Variants in TEX36 observed in about 807,000 individuals in gnomAD.
The protein encoded by TEX36 is testis expressed 36, also known as testis-expressed protein 36.
Under a neutral mutation model 13.6 loss-of-function variants are expected in TEX36, and 12 were observed. The ratio of observed to expected loss-of-function variants is 0.88; its 90% CI spans 0.56 to 1.43. TEX36 has a LOEUF of 1.43. Ranked by LOEUF, TEX36 falls within the 40% of genes most tolerant of loss-of-function variation. The pLI is 0.00. For synonymous variants in TEX36, 93 were observed against 83.0 expected (o/e 1.12, Z -0.65); for missense variants, 224 against 228.3 (o/e 0.98, Z 0.12).
chr10:125,576,712 C>T lies in TEX36; in HGVS notation c.*37G>A, dbSNP rs757701989. 2.6e-6 allele frequency: 4 copies of T among 1,534,198 alleles called. 1 individual carries two copies. In the South Asian group the frequency reaches 4.8e-5, roughly 18 times the overall value. On this transcript the variant is annotated 3_prime_UTR_variant, in exon 4 of 4. Coordinates refer to the TEX36 transcript ENST00000532135. ...AATACACATTCTATTAGTCAGGACTCTGGGGAATGGGTGACAGAAACTTGC... is the reference window on the plus strand; with the variant it reads ...AATACACATTCTATTAGTCAGGACTTTGGGGAATGGGTGACAGAAACTTGC...
chr10:125,637,186 G>A (rs1165703375), intron 3 of TEX36, among the ~76,000 whole-genome samples: 2 of 151,946 alleles, frequency 1.3e-5, no homozygotes, highest in Non-Finnish European at 2.9e-5. Context: ...GTAGACACCT[G>A]TGGTCTCAAC....
Position 125,676,395 on chromosome 10 carries a change from A to T in TEX36, c.51+6544T>A, listed in dbSNP as rs567335915. 3.3e-5 allele frequency among the ~76,000 whole-genome samples: 5 copies of T among 152,096 alleles called. No individual in the cohort carries two copies. In the South Asian group the frequency reaches 8.3e-4, roughly 25 times the overall value. Reference sequence around the variant, plus strand: ...CTTTGTATTTTTTTTACTGTTCTTGACTTACAGACTGTTTTATCTAAGTAC... The same window carrying T: ...CTTTGTATTTTTTTTACTGTTCTTGTCTTACAGACTGTTTTATCTAAGTAC... On this transcript the variant is annotated intron_variant, in intron 1 of 3. Transcript: ENST00000368821.
intron 1 of TEX36, among the ~76,000 whole-genome samples, chr10:125,674,646 C>A (rs1847285076): frequency 6.6e-6 from 1 of 152,198 alleles, no homozygotes; most frequent in South Asian, 2.1e-4. Context: ...TTGTTGCATT[C>A]TGTTTGTCTT....
intron 3 of TEX36, among the ~76,000 whole-genome samples, chr10:125,578,726 C>G (rs1256236072): frequency 1.3e-5 from 2 of 152,190 alleles, no homozygotes; most frequent in African/African-American, 4.8e-5. Flanking sequence ...ACCACCCCAT[C>G]TCATGCCTAG....
intron 3 of TEX36, among the ~76,000 whole-genome samples, chr10:125,612,506 C>T (rs1465560952): frequency 6.6e-6 from 1 of 152,134 alleles, no homozygotes; most frequent in Non-Finnish European, 1.5e-5. Context: ...TACATATATA[C>T]ATATTTACAT....
chr10:125,603,782 A>C lies in TEX36; in HGVS notation c.265-26908T>G, dbSNP rs1011135980. On this transcript the variant is annotated intron_variant, in intron 3 of 3. Coordinates refer to the TEX36 transcript ENST00000532135. ...AGCCACAACCTCCCCTCCCCACCCA[A>C]CTCCTGCAGTCTGAGATGATACACC... is the stretch of plus-strand genomic sequence containing the variant. 6.0e-5 allele frequency among the ~76,000 whole-genome samples: 9 copies of C among 150,558 alleles called. No individual in the cohort carries two copies. In the East Asian group the frequency reaches 1.8e-3, roughly 30 times the overall value.
chr10:125,577,508 AAC>A (rs1845838156), intron 3 of TEX36, among the ~76,000 whole-genome samples: 1 of 152,216 alleles, frequency 6.6e-6, no homozygotes, highest in Admixed American at 6.5e-5. Context: ...CAAAGAAAAG[AAC>A]ACACACAAAA....
intron 3 of TEX36, among the ~76,000 whole-genome samples, chr10:125,610,958 T>C (rs926142589): frequency 6.6e-6 from 1 of 152,182 alleles, no homozygotes; most frequent in Non-Finnish European, 1.5e-5. Flanking sequence ...GAGTCATAGG[T>C]GCTATCTTAC....
intron 3 of TEX36, among the ~76,000 whole-genome samples, chr10:125,650,184 C>G (rs1193782456): frequency 1.3e-5 from 2 of 152,208 alleles, no homozygotes; most frequent in Non-Finnish European, 2.9e-5. Context: ...CTCAAATCAA[C>G]AGAATATACA....
At position 125,656,383 on chromosome 10, in the gene TEX36, A is replaced by C. The variant is rs987147001; in HGVS notation, c.265-187T>G. Among the ~76,000 whole-genome samples, 7 of 149,064 alleles carry C rather than the reference A, an allele frequency of 4.7e-5. No individual in the cohort carries two copies. The East Asian group carries it at 1.2e-3, about 26-fold the overall frequency. On this transcript the variant is annotated intron_variant, in intron 3 of 3. Coordinates refer to ENST00000368821, the MANE Select transcript of TEX36 (RefSeq NM_001128202.3). The stretch of plus-strand genomic sequence containing the variant: ...GCAATTCTCATGCCTTAGCCTCCTG[A>C]GTAGCTGGGACTACAGGTGGACCCC...
chr10:125,635,230 C>A (rs1321827240), intron 3 of TEX36, among the ~76,000 whole-genome samples: 1 of 152,174 alleles, frequency 6.6e-6, no homozygotes, highest in Non-Finnish European at 1.5e-5. Flanking sequence ...AGAAAGGGAT[C>A]CTGCATGCCT....
intron 3 of TEX36, among the ~76,000 whole-genome samples, chr10:125,647,583 T>C (rs1385669112): frequency 6.6e-6 from 1 of 152,180 alleles, no homozygotes; most frequent in Non-Finnish European, 1.5e-5. Context: ...ACAGCTCCAG[T>C]CTGCAGCTCC....
chr10:125,597,759 T>C (rs1846098769), intron 3 of TEX36, among the ~76,000 whole-genome samples: 1 of 152,146 alleles, frequency 6.6e-6, no homozygotes, highest in African/African-American at 2.4e-5. Flanking sequence ...CAGGGTTTAG[T>C]CCTTAGTTCC....
chr10:125,623,675 G>A (rs558592389), intron 3 of TEX36, among the ~76,000 whole-genome samples: 50 of 152,178 alleles, frequency 3.3e-4, no homozygotes, highest in African/African-American at 1.2e-3. Flanking sequence ...CGGGACTGAT[G>A]GGTAGGTCTG....
intron 3 of TEX36, chr10:125,576,953 G>T: frequency 6.6e-7 from 1 of 1,517,858 alleles, no homozygotes; most frequent in Non-Finnish European, 8.8e-7. Context: ...AGAGAGGAAA[G>T]GGGGCCTTAT....
rs189109688 is a variant in TEX36, at chr10:125,596,340, T to C, written c.265-19466A>G. ...AGAGAAGGAGATGTAAGGCTAGAAA[T>C]AGAGGTGAGGAAGTTAGAAGGAAAG... On this transcript the variant is annotated intron_variant, in intron 3 of 3. Transcript: ENST00000532135. Among the ~76,000 whole-genome samples, 29 of 151,424 alleles carry C rather than the reference T, an allele frequency of 1.9e-4. No individual in the cohort carries two copies. In the East Asian group the frequency reaches 3.3e-3, roughly 17 times the overall value.
intron 1 of TEX36, chr10:125,666,921 C>T: frequency 3.6e-6 from 2 of 553,698 alleles, no homozygotes; most frequent in South Asian, 2.0e-5. Context: ...AGCAGCAGCC[C>T]CAGTCTCACT....
chr10:125,599,143 C>A (rs922509340), intron 3 of TEX36, among the ~76,000 whole-genome samples: 1 of 152,040 alleles, frequency 6.6e-6, no homozygotes, highest in African/African-American at 2.4e-5. Context: ...TAAAATATAA[C>A]CACATTAAGG....
chr10:125,588,162 G>C (rs1168652892), intron 3 of TEX36, among the ~76,000 whole-genome samples: 1 of 152,124 alleles, frequency 6.6e-6, no homozygotes, highest in Non-Finnish European at 1.5e-5. Flanking sequence ...TGAGTCAAAG[G>C]GTACAGACAT....
Sources: gnomAD v4.1 joint callset for allele counts (sites outside exome capture counted in the v4.1 genomes callset) on GRCh38, gnomAD v4.1.1 for gene constraint, MANE v1.5 for transcripts, NCBI Gene and HGNC (gene_info 2026-07-23, HGNC 2026-07-21) for gene names.